The following CCDC47 variants were observed in gnomAD, a reference collection of about 807,000 sequenced individuals.
CCDC47 encodes PAT complex subunit CCDC47.
In CCDC47, 41 loss-of-function variants were observed where a neutral mutation model predicts 60.5. The observed-to-expected ratio is 0.68, with a 90% CI of 0.53 to 0.88. The LOEUF is 0.88. CCDC47 is among the 40% of genes least tolerant of loss of function. The probability of loss-of-function intolerance (pLI) is 0.00; values close to 1 mark genes in which losing one functional copy is unlikely to be tolerated. For synonymous variants in CCDC47, 195 were observed against 190.7 expected (o/e 1.02, Z -0.18); for missense variants, 513 against 580.9 (o/e 0.88, Z 1.20).
At chr17:63,764,698 A>G in intron 3 of CCDC47, 42 bp downstream of exon 3, 5 of 1,534,166 alleles carry the variant, frequency 3.3e-6, no homozygotes, top group Non-Finnish European at 4.5e-6. Context: ...ATGACAAGAC[A>G]TTTTGTTGTT....
At chr17:63,751,846 C>G (rs765643117) in intron 12 of CCDC47, 94 bp downstream of exon 12, 6 of 1,384,878 alleles carry the variant, frequency 4.3e-6, no homozygotes, top group Non-Finnish European at 6.1e-6. Context: ...AAATGCTAAA[C>G]TTTTAGCCTA....
In CCDC47 at chr17:63,758,361, C is replaced by G. The variant is rs2039223659; in HGVS notation, c.736-1791G>C. On this transcript the variant is annotated intron_variant, in intron 6 of 12. Coordinates refer to ENST00000225726, the MANE Select transcript of CCDC47 (RefSeq NM_020198.3). ...TTTAATCTGTAGGATTTGAAGCTAA[C>G]TCCAGGTAGATAGTGTCAGAACTGA... Among the ~76,000 whole-genome samples, 2 of 152,070 alleles carry G rather than the reference C, an allele frequency of 1.3e-5. 1 individual carries two copies. The highest frequency in any genetic ancestry group is 1.3e-4 in the Admixed American group (2 of 15,248).
intron 9 of CCDC47, 64 bp downstream of exon 9, chr17:63,754,369 C>T (rs2039189325): frequency 2.1e-6 from 2 of 949,672 alleles, no homozygotes; most frequent in South Asian, 1.4e-5. Flanking sequence ...AAGCACCTTA[C>T]AGGTGTTTCA....
At position 63,755,355 on chromosome 17, in the gene CCDC47, C is replaced by T. The variant is rs192712676; in HGVS notation, c.949-837G>A. 3.6e-5 allele frequency: 35 copies of T among 963,252 alleles called. No individual in the cohort carries two copies. In the Admixed American group the frequency reaches 3.7e-4, roughly 10 times the overall value. The allele number at this position is 963,252 out of a possible 1,614,324, so 59.7% of individuals were successfully genotyped here. ...GTACTCCAGGCTGGGTGCAGTGGCT[C>T]ATGCCTGTAATCCAAGCGCTTTGGG... On this transcript the variant is annotated intron_variant, in intron 8 of 12. Transcript: ENST00000225726.
intron 1 of CCDC47, among the ~76,000 whole-genome samples, chr17:63,769,800 T>C (rs1568252716): frequency 6.6e-6 from 1 of 152,104 alleles, no homozygotes; most frequent in Non-Finnish European, 1.5e-5. Flanking sequence ...TTTAAGAAAG[T>C]TTACGAATTT....
Position 63,756,258 on chromosome 17 carries a change from G to A in CCDC47, c.930C>T (p.Asp310=), listed in dbSNP as rs558083960. 28 of 1,613,314 alleles carry A rather than the reference G, an allele frequency of 1.7e-5. No homozygotes were observed. The highest frequency in any genetic ancestry group is 1.3e-4 in the East Asian group (6 of 44,890). ...AILSEMGEVT[D]GMMDTKMVHF... is the part of the protein sequence containing the mutation. ...CATTTACCTTTGTATCCATCATTCC[G>A]TCTGTGACTTCTCCCATCTCTGACA... Residue 310 remains aspartate (D), a synonymous_variant, in exon 8 of 13, where the codon GAC becomes GAT. Transcript: ENST00000225726.
At position 63,754,516 on chromosome 17, in the gene CCDC47, C is replaced by T; in HGVS notation, c.951G>A (p.Met317Ile). ...EVTDGMMDTK[M>I]VHFLTHYADK... is the part of the protein sequence containing the mutation. ...CAGCATAGTGTGTAAGAAAGTGAAC[C>T]ATCTGAAAAAAAGAAAATAATATTT... The change falls in exon 9 of 13, where the codon ATG becomes ATA. Residue 317 changes from methionine to isoleucine, a missense_variant and splice_region_variant. Met to Ile is a conservative substitution (Grantham distance 10). Coordinates refer to ENST00000225726, the MANE Select transcript of CCDC47 (RefSeq NM_020198.3). The T allele has an allele frequency of 6.3e-7, 1 of 1,590,692 alleles. No homozygotes were observed. Among genetic ancestry groups the T allele is most frequent in the Non-Finnish European group, 8.6e-7 (1 of 1,166,912 alleles).
chr17:63,761,221 C>T lies in CCDC47; in HGVS notation c.669+9G>A. The stretch of plus-strand genomic sequence containing the variant: ...AAGATATATATCGTACAAGAAGTTT[C>T]CTACTTACCCTCAGCTGGATAAGCA... On this transcript the variant is annotated intron_variant, in intron 5 of 12. Transcript: ENST00000225726. The T allele has an allele frequency of 6.2e-7, 1 of 1,614,074 alleles. No homozygotes were observed. The highest frequency in any genetic ancestry group is 8.5e-7 in the Non-Finnish European group (1 of 1,179,990).
At chr17:63,747,084 C>T in intron 12 of CCDC47, 123 bp from the exon 13 acceptor site, 1 of 1,439,678 alleles carries the variant, frequency 6.9e-7, no homozygotes, top group Non-Finnish European at 9.1e-7. Context: ...TATTCAAAAA[C>T]TTAGGCTTGC....
chr17:63,749,496 G>A (rs762038313), intron 12 of CCDC47, among the ~76,000 whole-genome samples: 1 of 150,256 alleles, frequency 6.7e-6, no homozygotes, highest in Non-Finnish European at 1.5e-5. Flanking sequence ...GCTCACGCCT[G>A]TAATCCCAGC....
intron 4 of CCDC47, chr17:63,761,734 T>C (rs909415031): frequency 7.4e-6 from 5 of 679,570 alleles, no homozygotes; most frequent in South Asian, 6.6e-5. Context: ...ATACCTCACG[T>C]TCCTCTACCC....
intron 2 of CCDC47, 76 bp from the exon 3 acceptor site, chr17:63,764,923 T>C: frequency 6.5e-7 from 1 of 1,549,402 alleles, no homozygotes; most frequent in Middle Eastern, 1.8e-4. Flanking sequence ...TGGCAACATT[T>C]GTTGGGGAAA....
intron 3 of CCDC47, among the ~76,000 whole-genome samples, 161 bp from the exon 4 acceptor site, chr17:63,764,351 T>C (rs1292003526): frequency 6.6e-6 from 1 of 152,194 alleles, no homozygotes; most frequent in Non-Finnish European, 1.5e-5. Context: ...TTTACTTTTC[T>C]AGGCTAGCTT....
At position 63,764,776 on chromosome 17, in the gene CCDC47, AG is replaced by A; in HGVS notation, c.335del (p.Ser112PhefsTer9). The A allele has an allele frequency of 6.2e-7, 1 of 1,613,482 alleles. No homozygotes were observed. Among genetic ancestry groups the A allele is most frequent in the Non-Finnish European group, 8.5e-7 (1 of 1,179,916 alleles). On this transcript the variant is annotated frameshift_variant, in exon 3 of 13. Transcript: ENST00000225726. LOFTEE classifies it high-confidence loss of function. ...FEGYEDKPDT[S>X]SSKNKDPITI... ...TTATTGGGTCTTTATTTTTGCTAGA[AG>A]AAGTATCTGGTTTGTCTTCATAACC... is the stretch of plus-strand genomic sequence containing the variant.
At position 63,766,197 on chromosome 17, in the gene CCDC47, TAA is replaced by T. The variant is rs568139326; in HGVS notation, c.-19-5_-19-4del. On this transcript the variant is annotated splice_polypyrimidine_tract_variant and splice_region_variant and intron_variant, in intron 1 of 12. Transcript: ENST00000225726. ...TCATTGCACCTTGAGAAAAAAAGCT[TAA>T]AAAAAAAGAGAACCCCAAAATGGAT... The T allele has an allele frequency of 6.4e-7, 1 of 1,573,348 alleles. No individual in the cohort carries two copies. The highest frequency in any genetic ancestry group is 8.6e-7 in the Non-Finnish European group (1 of 1,163,602).
chr17:63,751,369 A>AAAAAAAAAAG (rs2039163726), intron 12 of CCDC47, among the ~76,000 whole-genome samples: 1 of 56,760 alleles, frequency 1.8e-5, no homozygotes, highest in Non-Finnish European at 3.4e-5. Context: ...CCATCTCAAA[A>AAAAAAAAAAG]AAAAAAAAAA....
chr17:63,753,040 C>T, intron 9 of CCDC47: 1 of 576,658 alleles, frequency 1.7e-6, no homozygotes, highest in Non-Finnish European at 2.2e-6. Flanking sequence ...GTGATGTTCC[C>T]TCCAGGCAAG....
In CCDC47 at chr17:63,764,104, G is replaced by A. The variant is rs376742155; in HGVS notation, c.459C>T (p.Tyr153=). The change falls in exon 4 of 13, where the codon TAC becomes TAT. Residue 153 remains tyrosine, a synonymous_variant. Coordinates refer to ENST00000225726, the MANE Select transcript of CCDC47 (RefSeq NM_020198.3). Reference sequence around the variant, plus strand: ...GACTGTTTTTATTCTTCCCAATGATGTAATTCATGATATAAGCAAGCAGAC... The same window carrying A: ...GACTGTTTTTATTCTTCCCAATGATATAATTCATGATATAAGCAAGCAGAC... ...VTGLLAYIMN[Y]IIGKNKNSRL... 18 of 1,612,710 alleles carry A rather than the reference G, an allele frequency of 1.1e-5. No homozygotes were observed. The highest frequency in any genetic ancestry group is 3.4e-5 in the Admixed American group (2 of 59,614).
In CCDC47 at chr17:63,748,284, T is replaced by C. The variant is rs926106754; in HGVS notation, c.1372-1323A>G. On this transcript the variant is annotated intron_variant, in intron 12 of 12. Coordinates refer to ENST00000225726, the MANE Select transcript of CCDC47 (RefSeq NM_020198.3). Reference sequence around the variant, plus strand: ...TGTGCCATCATGCCCAGCTAATTTTTGTATTCTTAGTAGAGATGGGGTTTC... The same window carrying C: ...TGTGCCATCATGCCCAGCTAATTTTCGTATTCTTAGTAGAGATGGGGTTTC... Among the ~76,000 whole-genome samples the C allele has an allele frequency of 4.6e-5, 7 of 152,092 alleles. No homozygotes were observed. The East Asian group carries it at 7.7e-4, about 17-fold the overall frequency.
Sources: gnomAD v4.1 joint callset for allele counts (sites outside exome capture counted in the v4.1 genomes callset) on GRCh38, gnomAD v4.1.1 for gene constraint, MANE v1.5 for transcripts, NCBI Gene and HGNC (gene_info 2026-07-23, HGNC 2026-07-21) for gene names.